The following RPGRIP1L variants were observed in gnomAD, a reference collection of about 807,000 sequenced individuals.
RPGRIP1L encodes RPGRIP1 like.
RPGRIP1L carries 131 observed loss-of-function variants against 160.4 expected under a neutral mutation model. The observed-to-expected ratio is 0.82, with a 90% confidence interval of 0.71 to 0.94. The LOEUF is 0.94. Ranked by LOEUF, RPGRIP1L falls within the 40% of genes least tolerant of loss-of-function variation. The pLI is 0.00. For synonymous variants in RPGRIP1L, 510 were observed against 515.8 expected, an observed-to-expected ratio of 0.99 and a Z score of 0.15; for missense variants, 1,522 against 1,535.8, an observed-to-expected ratio of 0.99 and a Z score of 0.15.
chr16:53,618,339 C>T (rs1049420105), intron 24 of RPGRIP1L, among the ~76,000 whole-genome samples: 2 of 152,026 alleles, frequency 1.3e-5, no homozygotes, highest in African/African-American at 4.8e-5. Context: ...GAAAGGTAGA[C>T]AATAAATAGA....
intron 7 of RPGRIP1L, among the ~76,000 whole-genome samples, chr16:53,674,108 C>G (rs1968962678): frequency 6.6e-6 from 1 of 152,116 alleles, no homozygotes; most frequent in Non-Finnish European, 1.5e-5. Flanking sequence ...TCTCCTTTTA[C>G]AAACTCTCAT....
chr16:53,651,889 AAT>A (rs1966857305), intron 15 of RPGRIP1L, among the ~76,000 whole-genome samples: 2 of 151,966 alleles, frequency 1.3e-5, no homozygotes, highest in Non-Finnish European at 2.9e-5. Flanking sequence ...TATTATTTAT[AAT>A]AGTTATAACT....
At chr16:53,700,608 C>T (rs1410787081) in intron 2 of RPGRIP1L, 31 bp downstream of exon 2, 2 of 1,531,624 alleles carry the variant, frequency 1.3e-6, no homozygotes, top group Non-Finnish European at 1.8e-6. Flanking sequence ...GATCAAAGTT[C>T]ATAACTGTAA....
intron 26 of RPGRIP1L, 95 bp downstream of exon 26, chr16:53,605,386 A>G: frequency 7.1e-7 from 1 of 1,404,712 alleles, no homozygotes; most frequent in Non-Finnish European, 1.0e-6. Flanking sequence ...CGTGTGACTC[A>G]GCACCCTTGG....
At chr16:53,694,030 G>A (rs553767949) in intron 3 of RPGRIP1L, 22 of 152,144 alleles carry the variant, frequency 1.4e-4, no homozygotes, top group Non-Finnish European at 3.1e-4. Context: ...CAAGAAACAT[G>A]ATTGCATCTG....
chr16:53,695,105 T>C (rs1484725502), intron 3 of RPGRIP1L: 2 of 482,594 alleles, frequency 4.1e-6, no homozygotes, highest in East Asian at 3.1e-5. Flanking sequence ...TTTCTGGCTA[T>C]GACAAATTAC....
intron 7 of RPGRIP1L, among the ~76,000 whole-genome samples, chr16:53,673,860 C>T (rs1968946612): frequency 6.6e-6 from 1 of 152,138 alleles, no homozygotes; most frequent in South Asian, 2.1e-4. Flanking sequence ...CCTATGTCAA[C>T]TTCCAAAAGA....
intron 21 of RPGRIP1L, among the ~76,000 whole-genome samples, chr16:53,636,918 C>A (rs1965870298): frequency 6.6e-6 from 1 of 150,624 alleles, no homozygotes; most frequent in Admixed American, 6.7e-5. Context: ...CAATAAACTA[C>A]ACACAATTAA....
chr16:53,616,787 C>A (rs1233319695), intron 24 of RPGRIP1L, among the ~76,000 whole-genome samples: 1 of 151,840 alleles, frequency 6.6e-6, no homozygotes, highest in African/African-American at 2.4e-5. Context: ...AAATGCACAA[C>A]CAGGCTGGGC....
At chr16:53,622,566 A>AT (rs1284983314) in intron 22 of RPGRIP1L, among the ~76,000 whole-genome samples, 8 of 151,182 alleles carry the variant, frequency 5.3e-5, no homozygotes, top group Non-Finnish European at 7.4e-5. Flanking sequence ...TTGCCTTTCC[A>AT]TTTTTTTCAC....
chr16:53,680,727 C>T (rs546254370), intron 6 of RPGRIP1L, among the ~76,000 whole-genome samples: 1 of 152,004 alleles, frequency 6.6e-6, no homozygotes, highest in South Asian at 2.1e-4. Flanking sequence ...CTAGAAGATA[C>T]TTACCCGTAA....
intron 2 of RPGRIP1L, among the ~76,000 whole-genome samples, chr16:53,698,704 C>T (rs1237058193): frequency 6.9e-6 from 1 of 145,276 alleles, no homozygotes; most frequent in South Asian, 2.2e-4. Flanking sequence ...GCCGCACCGC[C>T]CGGGAGGGAG....
At chr16:53,611,862 C>T (rs772220123) in intron 24 of RPGRIP1L, among the ~76,000 whole-genome samples, 6 of 152,182 alleles carry the variant, frequency 3.9e-5, no homozygotes, top group Non-Finnish European at 8.8e-5. Flanking sequence ...ATTTCTTTTT[C>T]ATAGGCCATT....
intron 8 of RPGRIP1L, 67 bp from the exon 9 acceptor site, chr16:53,671,650 C>A (rs962100664): frequency 5.2e-5 from 41 of 783,128 alleles, no homozygotes; most frequent in Non-Finnish European, 8.2e-5. Flanking sequence ...TAAAAAAAAA[C>A]ATTAAAAAAC....
At chr16:53,615,466 A>ATTTT (rs1297781617) in intron 24 of RPGRIP1L, among the ~76,000 whole-genome samples, 39 of 66,398 alleles carry the variant, frequency 5.9e-4, no homozygotes, top group African/African-American at 1.9e-3. Context: ...ATATATATAT[A>ATTTT]TATATATTTT....
chr16:53,665,323 C>A (rs1968150409), intron 9 of RPGRIP1L, among the ~76,000 whole-genome samples: 1 of 152,186 alleles, frequency 6.6e-6, no homozygotes. Flanking sequence ...GAGGAATCCA[C>A]AATTCCAAAA....
At position 53,685,083 on chromosome 16, in the gene RPGRIP1L, G is replaced by A. The variant is rs545718140; in HGVS notation, c.776+1350C>T. The stretch of plus-strand genomic sequence containing the variant: ...CATGAACAGACACTTCTCAAAAGAA[G>A]ACATCATGTGGCCAAAAAAACATAA... On this transcript the variant is annotated intron_variant, in intron 6 of 26. Transcript: ENST00000647211. 2.7e-4 allele frequency among the ~76,000 whole-genome samples: 41 copies of A among 152,026 alleles called. No homozygotes were observed. In the East Asian group the frequency reaches 7.5e-3, roughly 28 times the overall value.
intron 6 of RPGRIP1L, among the ~76,000 whole-genome samples, chr16:53,680,300 C>G (rs1022468465): frequency 6.6e-5 from 10 of 152,064 alleles, no homozygotes; most frequent in African/African-American, 2.4e-4. Context: ...ACAGATCACT[C>G]CCCTGTGTAA....
chr16:53,662,092 A>C (rs1967847838), intron 10 of RPGRIP1L, among the ~76,000 whole-genome samples: 1 of 152,176 alleles, frequency 6.6e-6, no homozygotes, highest in African/African-American at 2.4e-5. Flanking sequence ...TTTGACAAAA[A>C]GCAGGTCAAG....
Sources: gnomAD v4.1 joint callset for allele counts (sites outside exome capture counted in the v4.1 genomes callset) on GRCh38, gnomAD v4.1.1 for gene constraint, MANE v1.5 for transcripts, NCBI Gene and HGNC (gene_info 2026-07-23, HGNC 2026-07-21) for gene names.